The following DCC variants were observed in gnomAD, a reference collection of about 807,000 sequenced individuals.
DCC encodes the protein netrin receptor DCC.
In DCC, 58 loss-of-function variants were observed where a neutral mutation model predicts 172.5. The observed-to-expected ratio is 0.34, with a 90% CI of 0.27 to 0.42. The LOEUF (loss-of-function observed/expected upper bound fraction) is 0.42, where lower values mean the gene tolerates loss of function less well. Among genes scored for constraint, DCC ranks in the 10% least tolerant of loss-of-function variants. The pLI is 1.00. For synonymous variants in DCC, 709 were observed against 644.5 expected (o/e 1.10, Z -1.52); for missense variants, 1,740 against 1,791.0 (o/e 0.97, Z 0.51).
At chr18:52,836,393 A>C (rs1392494074) in intron 2 of DCC, among the ~76,000 whole-genome samples, 2 of 152,206 alleles carry the variant, frequency 1.3e-5, no homozygotes, top group African/African-American at 4.8e-5. Flanking sequence ...CATCTGAGGT[A>C]AGGCAAGTCC....
At chr18:52,658,911 A>C (rs1217851023) in intron 1 of DCC, among the ~76,000 whole-genome samples, 1 of 152,184 alleles carries the variant, frequency 6.6e-6, no homozygotes, top group Admixed American at 6.5e-5. Flanking sequence ...TCCCAATGGA[A>C]GTTAAATCAG....
rs1324728060 is a variant in DCC at position 52,923,697 on chromosome 18, C to A, written c.698-10C>A. The A allele has an allele frequency of 1.3e-6, 2 of 1,589,760 alleles. No individual in the cohort carries two copies. Among genetic ancestry groups the A allele is most frequent in the Non-Finnish European group, 1.7e-6 (2 of 1,158,256 alleles). On this transcript the variant is annotated splice_polypyrimidine_tract_variant and intron_variant, in intron 3 of 28. Coordinates refer to ENST00000442544, the MANE Select transcript of DCC (RefSeq NM_005215.4). ...CATATATCATATGATACTGTGTTTT[C>A]CCCTCATAGATCCAGGACTGCATAG...
intron 1 of DCC, among the ~76,000 whole-genome samples, chr18:52,586,628 G>T (rs34907734): frequency 0.13 from 20,189 of 152,136 alleles, 1,416 homozygotes; most frequent in South Asian, 0.19. Context: ...GAAGCAAAAC[G>T]TTTGCTAATG....
intron 5 of DCC, among the ~76,000 whole-genome samples, chr18:52,964,752 G>GT (rs1172752910): frequency 2.6e-5 from 4 of 152,084 alleles, no homozygotes; most frequent in Admixed American, 2.0e-4. Flanking sequence ...TGAAAACAAT[G>GT]TAAATATATT....
At chr18:52,557,436 C>T (rs369902322) in intron 1 of DCC, among the ~76,000 whole-genome samples, 1 of 152,070 alleles carries the variant, frequency 6.6e-6, no homozygotes, top group Non-Finnish European at 1.5e-5. Context: ...TGGCAGGGAG[C>T]CAGCGCTGTG....
chr18:52,881,701 A>G (rs183953286), intron 2 of DCC, among the ~76,000 whole-genome samples: 24 of 152,220 alleles, frequency 1.6e-4, no homozygotes, highest in Middle Eastern at 6.8e-3. Flanking sequence ...GTTGGTTACT[A>G]TAGCTCTGTA....
chr18:52,781,374 A>G (rs1236913146), intron 2 of DCC, among the ~76,000 whole-genome samples: 2 of 151,340 alleles, frequency 1.3e-5, no homozygotes, highest in Non-Finnish European at 2.9e-5. Flanking sequence ...TTGGGATAGC[A>G]TTCTCCGAGC....
chr18:52,451,049 G>A (rs902778214), intron 1 of DCC, among the ~76,000 whole-genome samples: 78 of 152,300 alleles, frequency 5.1e-4, no homozygotes, highest in African/African-American at 1.8e-3. Flanking sequence ...ACCAGCTATT[G>A]TTGAAGTAAC....
Position 53,342,730 on chromosome 18 carries a change from AAT to A in DCC, c.2359+2840_2359+2841del, listed in dbSNP as rs58516702. Among the ~76,000 whole-genome samples the A allele has an allele frequency of 4.8e-3, 691 of 143,322 alleles. 5 individuals carry two copies. The highest frequency in any genetic ancestry group is 0.015 in the East Asian group (73 of 4,842). The allele number at this position is 143,322 out of a possible 152,430, so 94.0% of individuals were successfully genotyped here. ...AATATACATATATTAGAAATACCCA[AAT>A]ATATATATATATATATGGATATAAA... On this transcript the variant is annotated intron_variant, in intron 15 of 28. Transcript: ENST00000442544.
chr18:52,592,744 G>C (rs1471796142), intron 1 of DCC, among the ~76,000 whole-genome samples: 3 of 152,066 alleles, frequency 2.0e-5, no homozygotes. Context: ...AGCTATTCTC[G>C]TGCCTCAGAC....
chr18:52,911,983 G>T (rs1383166247), intron 3 of DCC, among the ~76,000 whole-genome samples: 1 of 151,896 alleles, frequency 6.6e-6, no homozygotes, highest in Non-Finnish European at 1.5e-5. Flanking sequence ...CAGATGGCAT[G>T]AAAAGGTCTG....
At chr18:52,687,668 G>C (rs2035863890) in intron 1 of DCC, among the ~76,000 whole-genome samples, 1 of 152,058 alleles carries the variant, frequency 6.6e-6, no homozygotes, top group African/African-American at 2.4e-5. Flanking sequence ...AATATTGTGG[G>C]CTGTTAGCAA....
At chr18:52,431,156 C>A (rs1027333108) in intron 1 of DCC, among the ~76,000 whole-genome samples, 2 of 152,146 alleles carry the variant, frequency 1.3e-5, no homozygotes, top group Non-Finnish European at 2.9e-5. Context: ...CTTGGACACT[C>A]ACCCAAATAT....
intron 6 of DCC, 25 bp from the exon 7 acceptor site, chr18:53,066,021 T>A: frequency 3.7e-6 from 6 of 1,611,892 alleles, no homozygotes; most frequent in Non-Finnish European, 5.1e-6. Flanking sequence ...TCTAAAATAC[T>A]TTACCTGCTT....
At chr18:53,313,129 T>G (rs2057301882) in intron 13 of DCC, among the ~76,000 whole-genome samples, 1 of 151,898 alleles carries the variant, frequency 6.6e-6, no homozygotes, top group African/African-American at 2.4e-5. Flanking sequence ...TGAAAGATCT[T>G]CTGATATCAG....
At chr18:52,909,766 G>T (rs1283575552) in intron 3 of DCC, among the ~76,000 whole-genome samples, 1 of 152,074 alleles carries the variant, frequency 6.6e-6, no homozygotes, top group East Asian at 1.9e-4. Flanking sequence ...CTTGATGTTT[G>T]CTAGGAATGA....
At chr18:53,340,016 C>A in intron 15 of DCC, 109 bp downstream of exon 15, 9 of 839,344 alleles carry the variant, frequency 1.1e-5, no homozygotes, top group Non-Finnish European at 1.5e-5. Flanking sequence ...CAACTTACAG[C>A]ATGTATTAGC....
chr18:53,064,587 A>G (rs1210597900), intron 6 of DCC, among the ~76,000 whole-genome samples: 1 of 152,126 alleles, frequency 6.6e-6, no homozygotes, highest in Non-Finnish European at 1.5e-5. Context: ...AACTTTCATA[A>G]TATCTGTGTG....
At chr18:52,913,406 C>A (rs1264321752) in intron 3 of DCC, among the ~76,000 whole-genome samples, 1 of 152,036 alleles carries the variant, frequency 6.6e-6, no homozygotes, top group East Asian at 1.9e-4. Flanking sequence ...GGATTCCAAG[C>A]TGAACCTTTA....
Sources: allele counts gnomAD v4.1 joint callset (sites outside exome capture counted in the v4.1 genomes callset), GRCh38; gene constraint gnomAD v4.1.1; transcripts MANE v1.5; gene names NCBI Gene and HGNC (gene_info 2026-07-23, HGNC 2026-07-21).